Variants in FNDC3B observed in about 807,000 individuals in gnomAD.
FNDC3B encodes fibronectin type III domain containing 3B.
Under a neutral mutation model 151.5 loss-of-function variants are expected in FNDC3B, and 12 were observed. The ratio of observed to expected loss-of-function variants is 0.08; its 90% CI spans 0.05 to 0.13. The LOEUF is 0.13. Ranked by LOEUF, FNDC3B falls within the 10% of genes least tolerant of loss-of-function variation. FNDC3B has a pLI of 1.00. For synonymous variants in FNDC3B, 528 were observed against 549.0 expected (o/e 0.96, Z 0.54); for missense variants, 1,214 against 1,505.3 (o/e 0.81, Z 3.20).
In FNDC3B at chr3:172,258,308, C is replaced by A. The variant is rs76262704; in HGVS notation, c.790+6767C>A. 4.1e-4 allele frequency among the ~76,000 whole-genome samples: 62 copies of A among 152,292 alleles called. No homozygotes were observed. In the East Asian group the frequency reaches 0.011, roughly 26 times the overall value. On this transcript the variant is annotated intron_variant, in intron 6 of 25. Coordinates refer to ENST00000415807, the MANE Select transcript of FNDC3B (RefSeq NM_022763.4). Reference sequence around the variant, plus strand: ...GAAAGCCAGTGATGAGGGCATTATTCTTGTGCATTTGTCTTTCAGAGTTCG... The same window carrying A: ...GAAAGCCAGTGATGAGGGCATTATTATTGTGCATTTGTCTTTCAGAGTTCG...
At chr3:172,336,920 A>AC (rs941674021) in intron 15 of FNDC3B, among the ~76,000 whole-genome samples, 5 of 152,120 alleles carry the variant, frequency 3.3e-5, no homozygotes, top group African/African-American at 7.2e-5. Context: ...AAAAAAAAAA[A>AC]AACAAAAGAA....
At chr3:172,129,172 A>C (rs1720948676) in intron 2 of FNDC3B, among the ~76,000 whole-genome samples, 2 of 152,070 alleles carry the variant, frequency 1.3e-5, no homozygotes, top group African/African-American at 4.8e-5. Flanking sequence ...GAGTCTCACT[A>C]TGTTGCTGGG....
chr3:172,345,589 CT>C (rs1733570925), intron 19 of FNDC3B, among the ~76,000 whole-genome samples: 1 of 152,132 alleles, frequency 6.6e-6, no homozygotes, highest in South Asian at 2.1e-4. Flanking sequence ...TGTTTCCCCC[CT>C]CCCCGCCGTC....
chr3:172,257,241 C>T (rs1728397877), intron 6 of FNDC3B, among the ~76,000 whole-genome samples: 1 of 152,164 alleles, frequency 6.6e-6, no homozygotes, highest in Non-Finnish European at 1.5e-5. Flanking sequence ...TAAAAATTTG[C>T]TGTGTGCAGT....
intron 2 of FNDC3B, among the ~76,000 whole-genome samples, chr3:172,121,131 CTG>C (rs1293135493): frequency 2.0e-5 from 3 of 152,316 alleles, no homozygotes; most frequent in African/African-American, 4.8e-5. Context: ...TGCCTGAACT[CTG>C]TGGTCATCCG....
At chr3:172,236,864 A>G (rs959670543) in intron 4 of FNDC3B, among the ~76,000 whole-genome samples, 5 of 152,224 alleles carry the variant, frequency 3.3e-5, no homozygotes, top group Admixed American at 2.6e-4. Flanking sequence ...GAGGTACCAC[A>G]GAGATCTGTA....
chr3:172,081,568 A>G (rs1718280565), intron 1 of FNDC3B, among the ~76,000 whole-genome samples: 1 of 152,240 alleles, frequency 6.6e-6, no homozygotes. Flanking sequence ...GATTAATTCC[A>G]TACATACATT....
At chr3:172,378,530 T>C in intron 24 of FNDC3B, 94 bp downstream of exon 24, 8 of 1,121,626 alleles carry the variant, frequency 7.1e-6, no homozygotes, top group Non-Finnish European at 9.9e-6. Flanking sequence ...TTAAATATAA[T>C]GTCAGCAAGA....
chr3:172,128,397 T>G (rs957546687), intron 2 of FNDC3B, among the ~76,000 whole-genome samples: 4 of 152,172 alleles, frequency 2.6e-5, no homozygotes, highest in African/African-American at 9.7e-5. Flanking sequence ...TTTTCCTGAT[T>G]TGGAGAAAAG....
chr3:172,301,909 A>G (rs1350222959), intron 9 of FNDC3B: 1 of 152,194 alleles, frequency 6.6e-6, no homozygotes, highest in Non-Finnish European at 1.5e-5. Context: ...TTGTTTGTGC[A>G]TTACCAATTT....
chr3:172,356,732 A>G (rs538816312), intron 22 of FNDC3B, among the ~76,000 whole-genome samples: 3 of 152,276 alleles, frequency 2.0e-5, no homozygotes, highest in East Asian at 1.9e-4. Flanking sequence ...GTTGTTTGCT[A>G]TTATTTCGTA....
intron 3 of FNDC3B, among the ~76,000 whole-genome samples, chr3:172,154,109 T>G (rs1303926319): frequency 6.6e-6 from 1 of 152,188 alleles, no homozygotes; most frequent in African/African-American, 2.4e-5. Context: ...TTTGAAGGCA[T>G]CCAGGACAGC....
chr3:172,294,044 C>T (rs1427599775), intron 7 of FNDC3B, among the ~76,000 whole-genome samples: 2 of 152,170 alleles, frequency 1.3e-5, no homozygotes, highest in Non-Finnish European at 2.9e-5. Flanking sequence ...GACCAATATC[C>T]AGATAGCAAT....
At position 172,155,014 on chromosome 3, in the gene FNDC3B, A is replaced by T. The variant is rs573443353; in HGVS notation, c.187+21468A>T. ...GTTTCATTAGTCTAGGTGTGAGGTC[A>T]CTGGGGGGCGGCAGTAGGATTGGAG... On this transcript the variant is annotated intron_variant, in intron 3 of 25. Coordinates refer to ENST00000415807, the MANE Select transcript of FNDC3B (RefSeq NM_022763.4). Among the ~76,000 whole-genome samples, 37 of 152,186 alleles carry T rather than the reference A, an allele frequency of 2.4e-4. No individual in the cohort carries two copies. The South Asian group carries it at 7.7e-3, about 32-fold the overall frequency.
intron 1 of FNDC3B, among the ~76,000 whole-genome samples, chr3:172,045,788 CTCTCTCTA>C (rs1716336156): frequency 1.5e-5 from 2 of 134,892 alleles, no homozygotes; most frequent in African/African-American, 6.0e-5. Context: ...CTCTCTCTCT[CTCTCTCTA>C]TATATATATA....
intron 3 of FNDC3B, among the ~76,000 whole-genome samples, chr3:172,142,388 G>A (rs1721668908): frequency 6.6e-6 from 1 of 152,152 alleles, no homozygotes; most frequent in African/African-American, 2.4e-5. Context: ...CTGCCCTTTA[G>A]GCTTGTTAAA....
At chr3:172,085,854 A>T (rs915212153) in intron 1 of FNDC3B, among the ~76,000 whole-genome samples, 2 of 152,210 alleles carry the variant, frequency 1.3e-5, no homozygotes, top group Non-Finnish European at 2.9e-5. Flanking sequence ...ATGGATTCGG[A>T]TGTTAAAAGT....
chr3:172,113,696 G>A (rs1031439559), intron 2 of FNDC3B, among the ~76,000 whole-genome samples: 6 of 151,980 alleles, frequency 3.9e-5, no homozygotes, highest in Admixed American at 1.3e-4. Context: ...TCTTAAAAAC[G>A]TAAACACCTG....
intron 9 of FNDC3B, 88 bp from the exon 10 acceptor site, chr3:172,307,275 T>G (rs998644000): frequency 5.9e-5 from 81 of 1,367,286 alleles, no homozygotes; most frequent in Non-Finnish European, 8.0e-5. Context: ...TCTGTTCATC[T>G]ACAGAAAGCC....
Sources: allele counts gnomAD v4.1 joint callset (sites outside exome capture counted in the v4.1 genomes callset), GRCh38; gene constraint gnomAD v4.1.1; transcripts MANE v1.5; gene names NCBI Gene and HGNC (gene_info 2026-07-23, HGNC 2026-07-21).